COG5: variants seen among roughly 807,000 people sequenced by gnomAD.
COG5 encodes the protein component of oligomeric golgi complex 5.
A neutral mutation model predicts 110.4 loss-of-function variants in COG5; 86 were observed. The observed-to-expected ratio is 0.78, with a 90% CI of 0.65 to 0.93. The LOEUF is 0.93. Ranked by LOEUF, COG5 falls within the 40% of genes least tolerant of loss-of-function variation. The pLI is 0.00. For synonymous variants in COG5, 360 were observed against 334.6 expected (o/e 1.08, Z -0.83); for missense variants, 1,077 against 987.0 (o/e 1.09, Z -1.22).
intron 2 of COG5, among the ~76,000 whole-genome samples, chr7:107,556,456 T>C (rs1436708157): frequency 1.3e-5 from 2 of 152,190 alleles, no homozygotes; most frequent in Non-Finnish European, 2.9e-5. Context: ...ACATTTTAAG[T>C]TCTTATTGAT....
In COG5 at chr7:107,403,497, G is replaced by A. The variant is rs1031209234; in HGVS notation, c.669+9005C>T. On this transcript the variant is annotated intron_variant, in intron 7 of 21. Transcript: ENST00000297135. ...GTGGTTTTGCCGCACCCATCAACCC[G>A]TCACCTACATTACCTATTTCTCCTA... Among the ~76,000 whole-genome samples, 8 of 151,554 alleles carry A rather than the reference G, an allele frequency of 5.3e-5. No individual in the cohort carries two copies. The East Asian group carries it at 5.8e-4, about 11-fold the overall frequency.
intron 5 of COG5, among the ~76,000 whole-genome samples, chr7:107,544,645 C>A (rs987118957): frequency 6.6e-6 from 1 of 152,180 alleles, no homozygotes; most frequent in Non-Finnish European, 1.5e-5. Flanking sequence ...TCTGGTCAGG[C>A]TAATTGGTGA....
intron 7 of COG5, among the ~76,000 whole-genome samples, chr7:107,409,386 G>A (rs1005874116): frequency 4.6e-5 from 7 of 151,958 alleles, no homozygotes; most frequent in African/African-American, 1.4e-4. Flanking sequence ...CAGTCACCCA[G>A]TAGATTACTG....
chr7:107,327,964 C>A (rs565632865), intron 10 of COG5, among the ~76,000 whole-genome samples: 1 of 152,218 alleles, frequency 6.6e-6, no homozygotes, highest in South Asian at 2.1e-4. Context: ...AAAGCAGGAT[C>A]TTGAAGATTT....
chr7:107,547,909 C>T, intron 5 of COG5: 1 of 590,550 alleles, frequency 1.7e-6, no homozygotes, highest in East Asian at 2.9e-5. Context: ...CAATTATACA[C>T]TGCAATGACA....
chr7:107,294,944 C>A (rs1341978067), intron 12 of COG5, among the ~76,000 whole-genome samples: 55 of 118,268 alleles, frequency 4.7e-4, no homozygotes, highest in Non-Finnish European at 8.5e-4. Context: ...CACACACACA[C>A]ACACACATAT....
At chr7:107,369,405 G>A (rs1310531629) in intron 8 of COG5, among the ~76,000 whole-genome samples, 1 of 44,054 alleles carries the variant, frequency 2.3e-5, no homozygotes, top group Non-Finnish European at 5.1e-5. Flanking sequence ...TTTTTTTTTT[G>A]AGATGGAGTC....
intron 5 of COG5, among the ~76,000 whole-genome samples, chr7:107,530,629 C>CA (rs1801140048): frequency 7.6e-6 from 1 of 131,568 alleles, no homozygotes. Flanking sequence ...AAAAAAAACA[C>CA]AGTTTTCAGC....
At chr7:107,528,278 G>A (rs1297762296) in intron 5 of COG5, among the ~76,000 whole-genome samples, 4 of 151,914 alleles carry the variant, frequency 2.6e-5, no homozygotes, top group Non-Finnish European at 4.4e-5. Flanking sequence ...TTGTGGAGAT[G>A]AGGTTTTGCC....
chr7:107,308,341 T>G (rs1468496800), intron 11 of COG5, among the ~76,000 whole-genome samples: 1 of 152,194 alleles, frequency 6.6e-6, no homozygotes, highest in Admixed American at 6.5e-5. Flanking sequence ...TTTGGGATTT[T>G]TAAACACTGT....
At chr7:107,236,766 A>C (rs552480262) in intron 17 of COG5, 79 bp from the exon 18 acceptor site, 3 of 889,612 alleles carry the variant, frequency 3.4e-6, no homozygotes, top group Non-Finnish European at 5.7e-6. Context: ...CTCCCCACCA[A>C]TGCTGCTATT....
chr7:107,331,121 A>G (rs1010403341), intron 10 of COG5, among the ~76,000 whole-genome samples: 1 of 152,230 alleles, frequency 6.6e-6, no homozygotes, highest in Admixed American at 6.5e-5. Context: ...CATCATAGAT[A>G]TAATAGTGAA....
At chr7:107,306,839 T>A (rs766692194) in intron 11 of COG5, among the ~76,000 whole-genome samples, 34 of 152,152 alleles carry the variant, frequency 2.2e-4, no homozygotes, top group Non-Finnish European at 4.1e-4. Context: ...CTTCTTCCCG[T>A]CTATTTCTAG....
intron 6 of COG5, among the ~76,000 whole-genome samples, chr7:107,456,310 A>C (rs1795667471): frequency 1.3e-5 from 2 of 152,234 alleles, no homozygotes; most frequent in Non-Finnish European, 2.9e-5. Flanking sequence ...ATTAAGTTGT[A>C]AAAACAGATT....
intron 14 of COG5, among the ~76,000 whole-genome samples, chr7:107,263,305 T>A (rs1177148033): frequency 6.6e-6 from 1 of 152,232 alleles, no homozygotes; most frequent in Non-Finnish European, 1.5e-5. Context: ...AAGTAGAAGA[T>A]GCTTATTACA....
At chr7:107,276,762 A>G (rs1804732852) in intron 14 of COG5, among the ~76,000 whole-genome samples, 1 of 152,218 alleles carries the variant, frequency 6.6e-6, no homozygotes, top group Non-Finnish European at 1.5e-5. Context: ...CCATTAAATA[A>G]TTTGTTCAGT....
intron 10 of COG5, among the ~76,000 whole-genome samples, chr7:107,336,113 T>C (rs1160565796): frequency 6.6e-6 from 1 of 152,192 alleles, no homozygotes; most frequent in African/African-American, 2.4e-5. Context: ...CTCCCTTGTT[T>C]AATGAAGCAC....
intron 12 of COG5, among the ~76,000 whole-genome samples, chr7:107,283,983 G>A (rs1805415380): frequency 6.7e-6 from 1 of 148,544 alleles, no homozygotes; most frequent in Admixed American, 6.9e-5. Context: ...GGAGTGCAAC[G>A]GCGCAATCTT....
intron 10 of COG5, among the ~76,000 whole-genome samples, chr7:107,357,068 C>T (rs1562986549): frequency 6.6e-6 from 1 of 152,066 alleles, no homozygotes; most frequent in Admixed American, 6.6e-5. Flanking sequence ...TATTTAGGGT[C>T]CCCAAATCAT....
Sources: allele counts gnomAD v4.1 joint callset (sites outside exome capture counted in the v4.1 genomes callset), GRCh38; gene constraint gnomAD v4.1.1; transcripts MANE v1.5; gene names NCBI Gene and HGNC (gene_info 2026-07-23, HGNC 2026-07-21).